Variants in RBL1 observed in about 807,000 individuals in gnomAD.
RBL1 encodes the protein RB transcriptional corepressor like 1.
In RBL1, 82 loss-of-function variants were observed where a neutral mutation model predicts 123.0. The observed-to-expected ratio is 0.67, with a 90% CI of 0.56 to 0.80. The LOEUF is 0.80. RBL1 is among the 30% of genes least tolerant of loss of function. The probability of loss-of-function intolerance (pLI) is 0.00; values close to 1 mark genes in which losing one functional copy is unlikely to be tolerated. For missense variants in RBL1, 1,171 were observed against 1,299.6 expected (o/e 0.90, Z 1.52); for synonymous variants, 405 against 441.3 (o/e 0.92, Z 1.03).
chr20:37,032,498 A>G (rs1242221576), intron 16 of RBL1, among the ~76,000 whole-genome samples, 167 bp downstream of exon 16: 1 of 152,200 alleles, frequency 6.6e-6, no homozygotes. Flanking sequence ...GCTGCACAAC[A>G]ATGTGAATGT....
intron 3 of RBL1, 31 bp from the exon 4 acceptor site, chr20:37,067,328 G>C (rs766205656): frequency 6.7e-7 from 1 of 1,482,350 alleles, no homozygotes; most frequent in Non-Finnish European, 9.2e-7. Flanking sequence ...CTTTTTGTCT[G>C]ACTAGCTCGC....
At chr20:37,049,772 G>C in intron 11 of RBL1, 1 of 511,722 alleles carries the variant, frequency 2.0e-6, no homozygotes, top group Non-Finnish European at 3.4e-6. Flanking sequence ...TTTTTAGAGA[G>C]AGAAAAAAGG....
intron 11 of RBL1, among the ~76,000 whole-genome samples, chr20:37,050,016 C>T (rs556216635): frequency 7.5e-5 from 11 of 145,916 alleles, no homozygotes; most frequent in Admixed American, 1.4e-4. Context: ...GAGCCAAGAT[C>T]GTGCCATTGC....
At chr20:37,084,677 G>C (rs1433337417) in intron 2 of RBL1, among the ~76,000 whole-genome samples, 1 of 152,056 alleles carries the variant, frequency 6.6e-6, no homozygotes, top group Non-Finnish European at 1.5e-5. Flanking sequence ...CATCCTGAGT[G>C]ACAGAGCAAG....
intron 21 of RBL1, among the ~76,000 whole-genome samples, chr20:37,000,309 T>C (rs1319902245): frequency 6.7e-5 from 10 of 148,994 alleles, no homozygotes; most frequent in Non-Finnish European, 1.0e-4. Context: ...CCACCCCGTC[T>C]GGGAGGGAGG....
chr20:37,017,505 A>C (rs935755112), intron 19 of RBL1, among the ~76,000 whole-genome samples: 4 of 151,290 alleles, frequency 2.6e-5, no homozygotes, highest in Admixed American at 2.0e-4. Flanking sequence ...TCTTTCTTTG[A>C]AAAAAAAAGA....
intron 21 of RBL1, among the ~76,000 whole-genome samples, chr20:37,000,989 T>C (rs1185784169): frequency 3.1e-5 from 4 of 128,118 alleles, no homozygotes; most frequent in African/African-American, 9.5e-5. Flanking sequence ...GAGGAGCCCC[T>C]CTGCCTGGCC....
chr20:37,007,945 T>TA (rs112978918), intron 19 of RBL1, among the ~76,000 whole-genome samples: 7 of 152,096 alleles, frequency 4.6e-5, no homozygotes, highest in East Asian at 1.9e-4. Flanking sequence ...TCTACAATAT[T>TA]AAAAAAAACC....
chr20:37,042,820 G>A (rs2064749789), intron 13 of RBL1, among the ~76,000 whole-genome samples: 1 of 149,482 alleles, frequency 6.7e-6, no homozygotes, highest in Non-Finnish European at 1.5e-5. Flanking sequence ...GATCATTTGT[G>A]CCTGGGAGGT....
chr20:37,087,551 C>T lies in RBL1; in HGVS notation c.290+1438G>A, dbSNP rs188038041. On this transcript the variant is annotated intron_variant, in intron 2 of 21. Transcript: ENST00000373664. ...GCAGTGAGCTAAAAAGGTGCCACTG[C>T]ACTCGAGGCCTGGGCAATACAGCAA... Among the ~76,000 whole-genome samples the T allele has an allele frequency of 2.7e-3, 406 of 152,250 alleles. 2 individuals carry two copies. The highest frequency in any genetic ancestry group is 9.1e-3 in the African/African-American group (380 of 41,552).
At chr20:37,050,544 C>CAAAAA (rs148834732) in intron 11 of RBL1, among the ~76,000 whole-genome samples, 1 of 10,952 alleles carries the variant, frequency 9.1e-5, no homozygotes, top group African/African-American at 3.6e-4. Flanking sequence ...GACTCTGTCT[C>CAAAAA]AAAAAAAAAA....
rs77675641 is a variant in RBL1 at position 37,058,592 on chromosome 20, A to G, written c.1251-2334T>C. ...GTTTTGTTTTTTTGTTTTTGTAGAG[A>G]TGAGGTGTCGCTATGTTGCCCGGGC... On this transcript the variant is annotated intron_variant, in intron 9 of 21. Transcript: ENST00000373664. 7.3e-4 allele frequency among the ~76,000 whole-genome samples: 111 copies of G among 151,784 alleles called. 2 individuals are homozygous for G. The East Asian group carries it at 0.021, about 29-fold the overall frequency.
At chr20:37,062,386 T>C in intron 7 of RBL1, 116 bp from the exon 8 acceptor site, 2 of 1,441,644 alleles carry the variant, frequency 1.4e-6, no homozygotes, top group Non-Finnish European at 1.8e-6. Context: ...TAATTTTTAT[T>C]AACTCTGACC....
Position 37,067,035 on chromosome 20 carries a change from T to A in RBL1, c.643A>T (p.Met215Leu). 6.2e-7 allele frequency: 1 copy of A among 1,609,798 alleles called. No individual in the cohort carries two copies. The highest frequency in any genetic ancestry group is 8.5e-7 in the Non-Finnish European group (1 of 1,177,648). ...AGCAAGTCTTGTCTATTTGGGCACATAATCGCATTGGCAAAAATCAGATCC... is the reference window on the plus strand; with the variant it reads ...AGCAAGTCTTGTCTATTTGGGCACAAAATCGCATTGGCAAAAATCAGATCC... ...CLDLIFANAI[M>L]CPNRQDLLNP... Residue 215 changes from methionine to leucine, a missense_variant, in exon 5 of 22, where the codon ATG becomes TTG. Coordinates refer to ENST00000373664, the MANE Select transcript of RBL1 (RefSeq NM_002895.5).
intron 21 of RBL1, among the ~76,000 whole-genome samples, chr20:37,001,963 C>G (rs376898080): frequency 1.4e-5 from 2 of 140,682 alleles, no homozygotes. Flanking sequence ...CAATCCAAAC[C>G]AAAACAACTG....
chr20:37,065,480 AC>A lies in RBL1; in HGVS notation c.847-8del. ...GGCATTCTCCTTTTAATATCTGTGA[AC>A]AAAAAATTATTTTGGGACACCATAT... On this transcript the variant is annotated splice_polypyrimidine_tract_variant and splice_region_variant and intron_variant, in intron 6 of 21. Transcript: ENST00000373664. 2.5e-6 allele frequency: 4 copies of A among 1,583,718 alleles called. No individual in the cohort carries two copies. Among genetic ancestry groups the A allele is most frequent in the Non-Finnish European group, 2.6e-6 (3 of 1,159,502 alleles).
chr20:37,050,714 C>T (rs2064896061), intron 11 of RBL1, among the ~76,000 whole-genome samples: 2 of 151,268 alleles, frequency 1.3e-5, no homozygotes, highest in African/African-American at 4.9e-5. Context: ...CAAAATAAAA[C>T]GACCAAGAAC....
chr20:37,082,864 T>G (rs1404731811), intron 2 of RBL1, among the ~76,000 whole-genome samples: 2 of 151,864 alleles, frequency 1.3e-5, no homozygotes, highest in Non-Finnish European at 2.9e-5. Context: ...TATCTGGGCA[T>G]AGTGGCACAC....
intron 19 of RBL1, among the ~76,000 whole-genome samples, chr20:37,011,955 C>T (rs191482579): frequency 3.1e-4 from 47 of 152,336 alleles, no homozygotes; most frequent in Non-Finnish European, 5.3e-4. Context: ...GCTGCCATCT[C>T]GGCTCACTGC....
Sources: gnomAD v4.1 joint callset for allele counts (sites outside exome capture counted in the v4.1 genomes callset) on GRCh38, gnomAD v4.1.1 for gene constraint, MANE v1.5 for transcripts, NCBI Gene and HGNC (gene_info 2026-07-23, HGNC 2026-07-21) for gene names.